Variants in ENPP6 observed in about 807,000 individuals in gnomAD.
ENPP6 encodes the protein glycerophosphocholine cholinephosphodiesterase ENPP6.
ENPP6 carries 32 observed loss-of-function variants against 42.0 expected under a neutral mutation model. The observed-to-expected ratio is 0.76, with a 90% CI of 0.58 to 1.02. The LOEUF is 1.02. Ranked by LOEUF, ENPP6 falls within the 50% of genes least tolerant of loss-of-function variation. The pLI is 0.00. For missense variants in ENPP6, 552 were observed against 566.8 expected (o/e 0.97, Z 0.27); for synonymous variants, 213 against 216.0 (o/e 0.99, Z 0.12).
intron 1 of ENPP6, among the ~76,000 whole-genome samples, chr4:184,204,504 T>C (rs2111118111): frequency 6.6e-6 from 1 of 152,338 alleles, no homozygotes; most frequent in African/African-American, 2.4e-5. Context: ...CTGAATCATG[T>C]GCCTGGTTCC....
chr4:184,125,683 G>T (rs1736491688), intron 2 of ENPP6, among the ~76,000 whole-genome samples: 1 of 152,090 alleles, frequency 6.6e-6, no homozygotes, highest in African/African-American at 2.4e-5. Flanking sequence ...TGCTTGATAT[G>T]TTGGATTCAG....
chr4:184,173,482 A>G (rs1737509261), intron 1 of ENPP6, among the ~76,000 whole-genome samples: 1 of 152,224 alleles, frequency 6.6e-6, no homozygotes, highest in Admixed American at 6.5e-5. Context: ...TCGACGACCA[A>G]GAAGGTCTAA....
At chr4:184,133,665 C>T (rs547463017) in intron 2 of ENPP6, among the ~76,000 whole-genome samples, 10 of 151,096 alleles carry the variant, frequency 6.6e-5, no homozygotes, top group Admixed American at 2.0e-4. Context: ...TAGTCCTGAA[C>T]GCATTTCTCC....
At chr4:184,183,943 A>C (rs1007354964) in intron 1 of ENPP6, among the ~76,000 whole-genome samples, 1 of 152,152 alleles carries the variant, frequency 6.6e-6, no homozygotes, top group African/African-American at 2.4e-5. Context: ...TTCCCCTGCT[A>C]TTTGCCAGAG....
In ENPP6 at chr4:184,139,332, ATT is replaced by A. The variant is rs553271989; in HGVS notation, c.421+14220_421+14221del. 1.4e-3 allele frequency among the ~76,000 whole-genome samples: 213 copies of A among 147,300 alleles called. 1 individual carries two copies. The highest frequency in any genetic ancestry group is 4.8e-3 in the African/African-American group (192 of 40,226). ...AGCAAAGTTAATTATTCTGAGGTGA[ATT>A]TTTTTTTTTTAGTTTTTTTTTTAAA... On this transcript the variant is annotated intron_variant, in intron 2 of 7. Coordinates refer to ENST00000296741, the MANE Select transcript of ENPP6 (RefSeq NM_153343.4).
rs552237198 is a variant in ENPP6 at position 184,196,897 on chromosome 4, C to A, written c.241+20682G>T. ...GAAGGTTAGGGATCAGTCTGATGTC[C>A]CCTGAGGGAATCTCATGAGGTCAAC... On this transcript the variant is annotated intron_variant, in intron 1 of 7. Transcript: ENST00000296741. Among the ~76,000 whole-genome samples the A allele has an allele frequency of 8.5e-4, 129 of 152,270 alleles. 1 individual carries two copies. Among genetic ancestry groups the A allele is most frequent in the African/African-American group, 2.6e-3 (106 of 41,554 alleles).
intron 3 of ENPP6, among the ~76,000 whole-genome samples, chr4:184,119,810 TC>T (rs925961367): frequency 3.9e-5 from 6 of 152,224 alleles, no homozygotes; most frequent in South Asian, 2.1e-4. Context: ...TAAAGGGATT[TC>T]CCCCCTTTTG....
At chr4:184,153,052 C>T (rs1435739017) in intron 2 of ENPP6, among the ~76,000 whole-genome samples, 1 of 151,664 alleles carries the variant, frequency 6.6e-6, no homozygotes, top group Non-Finnish European at 1.5e-5. Flanking sequence ...CAGGAAATAG[C>T]ATTATCTCTG....
chr4:184,148,374 T>G (rs555582106), intron 2 of ENPP6, among the ~76,000 whole-genome samples: 26 of 152,320 alleles, frequency 1.7e-4, no homozygotes, highest in Middle Eastern at 6.8e-3. Context: ...AACTATGCAC[T>G]CTTTTGGCCA....
chr4:184,135,597 T>C (rs912095472), intron 2 of ENPP6, among the ~76,000 whole-genome samples: 1 of 152,252 alleles, frequency 6.6e-6, no homozygotes, highest in Non-Finnish European at 1.5e-5. Flanking sequence ...TCTTTATAAG[T>C]AGCCTATATT....
chr4:184,196,275 C>T (rs182089008), intron 1 of ENPP6, among the ~76,000 whole-genome samples: 3 of 152,364 alleles, frequency 2.0e-5, no homozygotes, highest in African/African-American at 7.2e-5. Context: ...CTGTGCTTCC[C>T]CTGTGCCTGT....
At chr4:184,153,029 A>G (rs1050659412) in intron 2 of ENPP6, among the ~76,000 whole-genome samples, 3 of 151,700 alleles carry the variant, frequency 2.0e-5, no homozygotes, top group Non-Finnish European at 2.9e-5. Context: ...GGTGTTTGCT[A>G]TGTCAAGAGA....
Position 184,112,664 on chromosome 4 carries a change from A to G in ENPP6, c.993+8T>C, listed in dbSNP as rs369526254. 3.1e-6 allele frequency: 5 copies of G among 1,610,556 alleles called. No individual in the cohort carries two copies. Among genetic ancestry groups the G allele is most frequent in the Non-Finnish European group, 4.2e-6 (5 of 1,178,882 alleles). On this transcript the variant is annotated splice_region_variant and intron_variant, in intron 6 of 7. Transcript: ENST00000296741. ...TAGAGAATAAATTGGCACATATTTCATAATTACCTCAGTTATGAACCAGCC... is the reference window on the plus strand; with the variant it reads ...TAGAGAATAAATTGGCACATATTTCGTAATTACCTCAGTTATGAACCAGCC...
intron 1 of ENPP6, among the ~76,000 whole-genome samples, chr4:184,157,400 G>A (rs1158891656): frequency 2.7e-5 from 3 of 110,992 alleles, no homozygotes; most frequent in Admixed American, 9.4e-5. Flanking sequence ...AAATAAATTC[G>A]TTCTTTCTCT....
intron 6 of ENPP6, among the ~76,000 whole-genome samples, chr4:184,102,218 T>C (rs1254613091): frequency 1.3e-5 from 2 of 152,150 alleles, no homozygotes; most frequent in African/African-American, 4.8e-5. Context: ...GCATTCAGCA[T>C]TGTAGGATTC....
At chr4:184,097,390 A>G in intron 6 of ENPP6, 22 bp from the exon 7 acceptor site, 1 of 1,613,502 alleles carries the variant, frequency 6.2e-7, no homozygotes, top group East Asian at 2.2e-5. Context: ...CAAGGCAGAC[A>G]CATGACACTA....
chr4:184,116,878 G>C lies in ENPP6; in HGVS notation c.833C>G (p.Pro278Arg). 2 of 1,613,748 alleles carry C rather than the reference G, an allele frequency of 1.2e-6. No homozygotes were observed. The highest frequency in any genetic ancestry group is 1.7e-6 in the Non-Finnish European group (2 of 1,179,972). Residue 278 changes from proline to arginine, a missense_variant, in exon 5 of 8, where the codon CCG becomes CGG. Physicochemically the swap from Pro to Arg is moderately radical, Grantham distance 103 (BLOSUM62 -2). Around this residue, in one of 2 missense-constraint regions of ENPP6, gnomAD observed 545 missense variants for 546.3 expected, o/e 1.00. Transcript: ENST00000296741. The stretch of plus-strand genomic sequence containing the variant: ...TGCCTCAGAGTGTTTCCCAGGGGCC[G>C]GCCAAAGGCTCACAACAGGCCCGCG... Reference protein sequence around the residue: ...KDRGPVVSLWPAPGKHSEIYN... With the variant: ...KDRGPVVSLWRAPGKHSEIYN...
chr4:184,100,094 C>T lies in ENPP6; in HGVS notation c.994-2726G>A, dbSNP rs542800456. 2.6e-5 allele frequency among the ~76,000 whole-genome samples: 4 copies of T among 152,302 alleles called. 1 individual carries two copies. The highest frequency in any genetic ancestry group is 3.9e-4 in the East Asian group (2 of 5,180). On this transcript the variant is annotated intron_variant, in intron 6 of 7. Coordinates refer to ENST00000296741, the MANE Select transcript of ENPP6 (RefSeq NM_153343.4). ...GAAAGTGATTTTGGATCTTTCTAGT[C>T]GTAGGTAAATCCACTCATTTTTATT... is the stretch of plus-strand genomic sequence containing the variant.
intron 1 of ENPP6, among the ~76,000 whole-genome samples, chr4:184,180,412 T>C (rs565084829): frequency 8.4e-4 from 128 of 152,006 alleles, no homozygotes; most frequent in Non-Finnish European, 1.5e-3. Context: ...AGATTTACAG[T>C]TGAATTCTAC....
Sources: allele counts gnomAD v4.1 joint callset (sites outside exome capture counted in the v4.1 genomes callset), GRCh38; gene constraint gnomAD v4.1.1; regional missense constraint gnomAD v4.1.1; transcripts MANE v1.5; gene names NCBI Gene and HGNC (gene_info 2026-07-23, HGNC 2026-07-21).